Variants in MACF1 observed in about 807,000 individuals in gnomAD.
MACF1 encodes microtubule-actin cross-linking factor 1.
In MACF1, 193 loss-of-function variants were observed where a neutral mutation model predicts 854.8. The ratio of observed to expected loss-of-function variants is 0.23; its 90% CI spans 0.20 to 0.25. MACF1 has a LOEUF of 0.25. MACF1 is among the 10% of genes least tolerant of loss of function. The pLI is 1.00. For synonymous variants in MACF1, 3,185 were observed against 3,226.7 expected (o/e 0.99, Z 0.44); for missense variants, 7,722 against 8,929.1 (o/e 0.86, Z 5.45).
chr1:39,090,081 T>C (rs1297183044), intron 2 of MACF1, among the ~76,000 whole-genome samples: 1 of 152,176 alleles, frequency 6.6e-6, no homozygotes, highest in African/African-American at 2.4e-5. Context: ...AGGGAGCAGA[T>C]GGAAGTGGCT....
At position 39,175,134 on chromosome 1, in the gene MACF1, T is replaced by A. The variant is rs549263794; in HGVS notation, c.221-56048T>A. Among the ~76,000 whole-genome samples the A allele has an allele frequency of 3.3e-5, 5 of 152,286 alleles. No homozygotes were observed. The South Asian group carries it at 1.0e-3, about 32-fold the overall frequency. On this transcript the variant is annotated intron_variant, in intron 2 of 93. Coordinates refer to the MACF1 transcript ENST00000361689. ...CTGCCTTCTCCCTCCCCCACCTTGC[T>A]CCATCCTCTCTTGCAAAGTAAAATC...
chr1:39,284,268 A>G (rs1288042607), intron 10 of MACF1, 65 bp from the exon 11 acceptor site: 2 of 1,568,336 alleles, frequency 1.3e-6, no homozygotes, highest in African/African-American at 2.7e-5. Context: ...CTTCTAGGTG[A>G]GGTGGTATGA....
At chr1:39,346,612 C>T (rs569174317) in intron 40 of MACF1, among the ~76,000 whole-genome samples, 4 of 151,222 alleles carry the variant, frequency 2.6e-5, no homozygotes, top group African/African-American at 7.3e-5. Context: ...CTCTGCCTCC[C>T]GGGTTCACGC....
chr1:39,431,844 A>G (rs1240077708), intron 66 of MACF1, among the ~76,000 whole-genome samples: 1 of 152,052 alleles, frequency 6.6e-6, no homozygotes, highest in African/African-American at 2.4e-5. Context: ...CATGGTGGCA[A>G]TTGCCTGTGT....
intron 94 of MACF1, chr1:39,464,799 A>G (rs1644627584): frequency 5.6e-6 from 2 of 355,066 alleles, no homozygotes; most frequent in South Asian, 5.3e-5. Context: ...CTGTAATCCC[A>G]ACTACTAGGG....
intron 1 of MACF1, among the ~76,000 whole-genome samples, chr1:39,218,403 A>C (rs1644604819): frequency 6.6e-6 from 1 of 152,222 alleles, no homozygotes; most frequent in Non-Finnish European, 1.5e-5. Context: ...ACCATAGACT[A>C]GACACCAGGA....
chr1:39,199,770 C>T (rs562679693), upstream of MACF1, among the ~76,000 whole-genome samples: 1 of 152,330 alleles, frequency 6.6e-6, no homozygotes, highest in African/African-American at 2.4e-5. Context: ...TCATAGTCAT[C>T]TTGGTGTCCA....
At chr1:39,358,974 G>A in intron 46 of MACF1, 101 bp downstream of exon 46, 1 of 1,444,678 alleles carries the variant, frequency 6.9e-7, no homozygotes, top group African/African-American at 1.4e-5. Flanking sequence ...TAAAGGCAGT[G>A]GTTGGGATGC....
In MACF1 at chr1:39,361,015, C is replaced by T; in HGVS notation, c.12453+14C>T. ...GCCACAAATATGGTAAGATCTGTGT[C>T]CCAAGAGCTAGCATAGAGGGTATGT... On this transcript the variant is annotated intron_variant, in intron 48 of 100. Coordinates refer to ENST00000564288, the MANE Select transcript of MACF1 (RefSeq NM_001394062.1). The T allele has an allele frequency of 1.2e-6, 2 of 1,609,072 alleles. No homozygotes were observed. The highest frequency in any genetic ancestry group is 1.3e-5 in the African/African-American group (1 of 74,896).
intron 23 of MACF1, among the ~76,000 whole-genome samples, chr1:39,307,386 G>A (rs1033704851): frequency 3.3e-5 from 5 of 151,856 alleles, no homozygotes; most frequent in Admixed American, 2.0e-4. Flanking sequence ...ATCATGATAC[G>A]GAACAGTCTG....
rs5773658 is a variant in MACF1 at position 39,406,738 on chromosome 1, C to CAAAAAAAAAA, written c.15817-15625_15817-15616dup. ...CGACAGAGTGAGACAGAGTCTCACT[C>CAAAAAAAAAA]AAAAAAAAAAAAAAAAAAAACATTC... is the stretch of plus-strand genomic sequence containing the variant. On this transcript the variant is annotated intron_variant, in intron 58 of 100. Transcript: ENST00000564288. 5.4e-3 allele frequency among the ~76,000 whole-genome samples: 171 copies of CAAAAAAAAAA among 31,708 alleles called. 12 individuals are homozygous for CAAAAAAAAAA. The highest frequency in any genetic ancestry group is 0.018 in the African/African-American group (123 of 6,762). The allele number at this position is 31,708 out of a possible 152,430, so 20.8% of individuals were successfully genotyped here.
At chr1:39,309,483 T>A (rs1646256542) in intron 23 of MACF1, 87 bp from the exon 24 acceptor site, 2 of 1,509,592 alleles carry the variant, frequency 1.3e-6, no homozygotes, top group African/African-American at 1.4e-5. Flanking sequence ...TCAATTCTGC[T>A]AAGGCAATCA....
intron 2 of MACF1, among the ~76,000 whole-genome samples, chr1:39,098,937 G>A (rs556462620): frequency 6.6e-6 from 1 of 152,340 alleles, no homozygotes; most frequent in Non-Finnish European, 1.5e-5. Flanking sequence ...AGGGAGCTTT[G>A]GCTGGTGCCC....
rs770936649 is a variant in MACF1, at chr1:39,422,753, A to G, written c.16002A>G (p.Leu5334=). 4 of 1,614,120 alleles carry G rather than the reference A, an allele frequency of 2.5e-6. No homozygotes were observed. The East Asian group carries it at 6.7e-5, about 27-fold the overall frequency. ...AGGTCGCACAAAGAATTGCACAGCT[A>G]CAGGAAGCTTTGTTGCATTGTGGGA... ...NKKVAQRIAQ[L]QEALLHCGKF... Residue 5334 remains leucine (L), a synonymous_variant, in exon 60 of 101, where the codon CTA becomes CTG. Coordinates refer to ENST00000564288, the MANE Select transcript of MACF1 (RefSeq NM_001394062.1).
intron 2 of MACF1, among the ~76,000 whole-genome samples, chr1:39,139,295 C>G (rs1643265574): frequency 6.6e-6 from 1 of 150,530 alleles, no homozygotes; most frequent in Non-Finnish European, 1.5e-5. Context: ...TTATCTGCCA[C>G]TGTTTTTTTT....
chr1:39,347,578 C>T (rs776091089), intron 41 of MACF1, among the ~76,000 whole-genome samples: 3 of 151,990 alleles, frequency 2.0e-5, no homozygotes, highest in African/African-American at 4.8e-5. Context: ...TTTGAGGGCT[C>T]GTAAGAACAT....
In MACF1 at chr1:39,186,222, G is replaced by A. The variant is rs56316328; in HGVS notation, c.221-44960G>A. ...TCTCTCTCTCTCTCTCTCTGTGTGT[G>A]TGTGTGTGTGTGTGTGTGTGTGTGT... On this transcript the variant is annotated intron_variant, in intron 2 of 93. Coordinates refer to the MACF1 transcript ENST00000361689. 1.8e-3 allele frequency among the ~76,000 whole-genome samples: 213 copies of A among 115,962 alleles called. 2 individuals carry two copies. The highest frequency in any genetic ancestry group is 9.5e-3 in the Middle Eastern group (2 of 210). 76.1% of individuals were successfully genotyped at this position (115,962 alleles called of 152,430 possible).
chr1:39,452,703 C>CAGT lies in MACF1; in HGVS notation c.20634_20636dup (p.Val6879dup). 1 of 1,613,362 alleles carries CAGT rather than the reference C, an allele frequency of 6.2e-7. No individual in the cohort carries two copies. Among genetic ancestry groups the CAGT allele is most frequent in the Non-Finnish European group, 8.5e-7 (1 of 1,180,018 alleles). ...TTTCAGGCGGAAGTGTTTCGAGACA[C>CAGT]AGTCCACATGCTGTTGGAGTGGCTT... On this transcript the variant is annotated inframe_insertion, in exon 87 of 101. Transcript: ENST00000564288.
At chr1:39,362,676 G>A (rs922813305) in intron 49 of MACF1, among the ~76,000 whole-genome samples, 5 of 152,116 alleles carry the variant, frequency 3.3e-5, no homozygotes, top group African/African-American at 9.7e-5. Flanking sequence ...GCACAATAAT[G>A]TATTTCCTTG....
Sources: gnomAD v4.1 joint callset for allele counts (sites outside exome capture counted in the v4.1 genomes callset) on GRCh38, gnomAD v4.1.1 for gene constraint, MANE v1.5 for transcripts, NCBI Gene and HGNC (gene_info 2026-07-23, HGNC 2026-07-21) for gene names.